Variants in HNRNPM observed in about 807,000 individuals in gnomAD.
HNRNPM encodes heterogeneous nuclear ribonucleoprotein M.
In HNRNPM, 11 loss-of-function variants were observed where a neutral mutation model predicts 73.1. The observed-to-expected ratio is 0.15, with a 90% CI of 0.09 to 0.25. HNRNPM has a LOEUF of 0.25. Among genes scored for constraint, HNRNPM ranks in the 10% least tolerant of loss-of-function variants. The pLI is 1.00. For missense variants in HNRNPM, 789 were observed against 1,067.9 expected (o/e 0.74, Z 3.64); for synonymous variants, 407 against 355.2 (o/e 1.15, Z -1.64).
rs1028425821 is a variant in HNRNPM at position 8,450,948 on chromosome 19, C to G, written c.114-4457C>G. On this transcript the variant is annotated intron_variant, in intron 1 of 15. Transcript: ENST00000325495. The stretch of plus-strand genomic sequence containing the variant: ...TGAGACGGAGTTTCACTCTTGTCGC[C>G]CAGGCTGGAGTGCAATGGCATAATC... Among the ~76,000 whole-genome samples, 5 of 151,874 alleles carry G rather than the reference C, an allele frequency of 3.3e-5. No individual in the cohort carries two copies. In the East Asian group the frequency reaches 9.7e-4, roughly 29 times the overall value.
chr19:8,468,910 C>A, intron 9 of HNRNPM, 76 bp downstream of exon 9: 1 of 1,193,682 alleles, frequency 8.4e-7, no homozygotes, highest in Non-Finnish European at 1.3e-6. Context: ...CATATGGTTT[C>A]ACTTGAACCT....
chr19:8,474,082 T>G (rs1171238573), intron 11 of HNRNPM, 85 bp from the exon 12 acceptor site: 7 of 998,326 alleles, frequency 7.0e-6, no homozygotes, highest in Non-Finnish European at 1.0e-5. Flanking sequence ...GATACCCCAG[T>G]TGAAACATGT....
rs567082218 is a variant in HNRNPM, at chr19:8,445,230, C to T, written c.113+119C>T. 68 of 879,164 alleles carry T rather than the reference C, an allele frequency of 7.7e-5. 1 individual carries two copies. In the South Asian group the frequency reaches 1.7e-3, roughly 21 times the overall value. 54.5% of individuals were successfully genotyped at this position (879,164 alleles called of 1,614,324 possible). ...CGGCGCGGCCTCGGCCCCGGCTGTT[C>T]CCGTACCGCCTGCTCAGGGTAGCGG... is the stretch of plus-strand genomic sequence containing the variant. On this transcript the variant is annotated intron_variant, in intron 1 of 15. Coordinates refer to ENST00000325495, the MANE Select transcript of HNRNPM (RefSeq NM_005968.5).
chr19:8,452,398 A>C (rs947766396), intron 1 of HNRNPM, among the ~76,000 whole-genome samples: 3 of 150,242 alleles, frequency 2.0e-5, no homozygotes, highest in Non-Finnish European at 1.5e-5. Flanking sequence ...AGATTCTGTT[A>C]TGTTTTATGA....
chr19:8,466,411 C>G (rs771267938), intron 7 of HNRNPM, 23 bp downstream of exon 7: 3 of 1,612,700 alleles, frequency 1.9e-6, no homozygotes, highest in Admixed American at 3.3e-5. Context: ...AGGAATTCAA[C>G]TTATGAACAG....
chr19:8,462,344 G>A lies in HNRNPM; in HGVS notation c.284-185G>A, dbSNP rs1013269310. The A allele has an allele frequency of 3.4e-6, 2 of 585,854 alleles. No homozygotes were observed. The highest frequency in any genetic ancestry group is 3.7e-5 in the African/African-American group (2 of 53,668). The allele number at this position is 585,854 out of a possible 1,614,324, so 36.3% of individuals were successfully genotyped here. On this transcript the variant is annotated intron_variant, in intron 2 of 15. Transcript: ENST00000325495. The surrounding 1 kb of genome is among the most constrained non-coding windows in gnomAD (Gnocchi z 4.5). ...AAAATCAAGGACATATTGTTAACGT[G>A]TTTTCACCTACTTTTACTGCACACC...
intron 7 of HNRNPM, among the ~76,000 whole-genome samples, chr19:8,467,301 G>A (rs1483291770): frequency 1.3e-5 from 2 of 152,162 alleles, no homozygotes; most frequent in African/African-American, 4.8e-5. Context: ...AAATTGTAAG[G>A]TTACGAATGA....
intron 13 of HNRNPM, 103 bp from the exon 14 acceptor site, chr19:8,485,500 C>T (rs1971211459): frequency 8.6e-7 from 1 of 1,167,108 alleles, no homozygotes; most frequent in East Asian, 2.4e-5. Flanking sequence ...TATGGTGGGC[C>T]TTTACCCCTG....
intron 13 of HNRNPM, among the ~76,000 whole-genome samples, chr19:8,483,759 A>G: frequency 6.6e-6 from 1 of 152,190 alleles, no homozygotes; most frequent in African/African-American, 2.4e-5. Flanking sequence ...GATACTGAGA[A>G]CAAAATGTAC....
intron 8 of HNRNPM, among the ~76,000 whole-genome samples, chr19:8,468,570 C>T (rs1412346526): frequency 6.6e-6 from 1 of 152,082 alleles, no homozygotes; most frequent in Non-Finnish European, 1.5e-5. Context: ...CCCCATCATC[C>T]CCCACAATAA....
At chr19:8,455,669 C>G (rs1366126942) in intron 2 of HNRNPM, 95 bp downstream of exon 2, 4 of 905,810 alleles carry the variant, frequency 4.4e-6, no homozygotes, top group African/African-American at 1.7e-5. Flanking sequence ...GGAAGCGGCT[C>G]TGGGTAGAGC....
chr19:8,462,566 T>C lies in HNRNPM; in HGVS notation c.321T>C (p.Ala107=). Residue 107 remains alanine, a synonymous_variant, in exon 3 of 16, where the codon GCT becomes GCC. Transcript: ENST00000325495. The surrounding 1 kb of genome is among the most constrained non-coding windows in gnomAD (Gnocchi z 4.5). ...EVTYVELLMD[A]EGKSRGCAVV... is the part of the protein sequence containing the mutation. ...CATACGTGGAGCTCTTAATGGACGC[T>C]GAAGGAAAGTCAAGGGTAAGTGTCT... is the stretch of plus-strand genomic sequence containing the variant. 1 of 1,613,568 alleles carries C rather than the reference T, an allele frequency of 6.2e-7. No individual in the cohort carries two copies. The highest frequency in any genetic ancestry group is 1.1e-5 in the South Asian group (1 of 91,068).
chr19:8,463,930 CTTG>C, intron 5 of HNRNPM: 1 of 463,488 alleles, frequency 2.2e-6, no homozygotes, highest in Non-Finnish European at 3.9e-6. Context: ...TGTCTGAGGC[CTTG>C]TTGTCTCAGG....
chr19:8,464,437 C>T (rs1010706705), intron 5 of HNRNPM, among the ~76,000 whole-genome samples: 15 of 151,970 alleles, frequency 9.9e-5, no homozygotes, highest in African/African-American at 3.4e-4. Context: ...AGTTCAAGAC[C>T]AGCTTGACCA....
At chr19:8,456,391 T>A (rs1172320008) in intron 2 of HNRNPM, among the ~76,000 whole-genome samples, 1 of 152,208 alleles carries the variant, frequency 6.6e-6, no homozygotes, top group Non-Finnish European at 1.5e-5. Flanking sequence ...TGGTGGCACT[T>A]AGGACTAAAG....
chr19:8,488,535 T>A, intron 15 of HNRNPM, 156 bp from the exon 16 acceptor site: 1 of 571,560 alleles, frequency 1.7e-6, no homozygotes. Context: ...AGCAGAAGAA[T>A]GGCAGTGTGG....
chr19:8,474,509 G>A (rs532668502), intron 12 of HNRNPM, among the ~76,000 whole-genome samples: 14 of 152,244 alleles, frequency 9.2e-5, no homozygotes, highest in African/African-American at 2.2e-4. Context: ...GCATGTACAC[G>A]TTCGTGGTTA....
intron 2 of HNRNPM, among the ~76,000 whole-genome samples, chr19:8,461,565 C>T (rs1969400347): frequency 6.6e-6 from 1 of 152,136 alleles, no homozygotes; most frequent in African/African-American, 2.4e-5. Context: ...TGGATTCTAA[C>T]ATCTGGTCAT....
rs374344985 is a variant in HNRNPM at position 8,476,048 on chromosome 19, A to G, written c.1120+1804A>G. ...TGGGAGCTGTGCTGAGCCGTGTGACACAGTCGATGGTGAACTGGCAGGTGT... is the reference window on the plus strand; with the variant it reads ...TGGGAGCTGTGCTGAGCCGTGTGACGCAGTCGATGGTGAACTGGCAGGTGT... On this transcript the variant is annotated intron_variant, in intron 12 of 15. Coordinates refer to ENST00000325495, the MANE Select transcript of HNRNPM (RefSeq NM_005968.5). 7.9e-5 allele frequency among the ~76,000 whole-genome samples: 12 copies of G among 152,072 alleles called. No individual in the cohort carries two copies. The East Asian group carries it at 2.3e-3, about 29-fold the overall frequency.
Sources: allele counts gnomAD v4.1 joint callset (sites outside exome capture counted in the v4.1 genomes callset), GRCh38; gene constraint gnomAD v4.1.1; non-coding constraint Gnocchi (gnomAD v3.1); transcripts MANE v1.5; gene names NCBI Gene and HGNC (gene_info 2026-07-23, HGNC 2026-07-21).